The following DCHS2 variants were observed in gnomAD, a reference collection of about 807,000 sequenced individuals.
DCHS2 encodes the protein protocadherin-23.
A neutral mutation model predicts 182.4 loss-of-function variants in DCHS2; 142 were observed. That is an observed-to-expected ratio of 0.78 (90% confidence interval 0.68 to 0.89). DCHS2 has a LOEUF of 0.89. Among genes scored for constraint, DCHS2 ranks in the 40% least tolerant of loss-of-function variants. DCHS2 has a pLI of 0.00. For synonymous variants in DCHS2, 1,740 were observed against 1,663.3 expected (o/e 1.05, Z -1.12); for missense variants, 4,319 against 4,198.6 (o/e 1.03, Z -0.79).
At chr4:154,382,790 C>A (rs980682699) in intron 1 of DCHS2, among the ~76,000 whole-genome samples, 2 of 152,034 alleles carry the variant, frequency 1.3e-5, no homozygotes, top group African/African-American at 4.8e-5. Context: ...ATCAATACCA[C>A]AATGAGATGT....
Position 154,434,715 on chromosome 4 carries a change from G to A in DCHS2, c.2052+54589C>T, listed in dbSNP as rs1223800934. Among the ~76,000 whole-genome samples, 4 of 152,242 alleles carry A rather than the reference G, an allele frequency of 2.6e-5. No individual in the cohort carries two copies. In the East Asian group the frequency reaches 5.8e-4, roughly 22 times the overall value. ...GTTAAAAAGTGAGTTAACATTATCA[G>A]TGATAAGCCATGTTGATAGCATGTA... On this transcript the variant is annotated intron_variant, in intron 1 of 19. Coordinates refer to ENST00000357232, the MANE Select transcript of DCHS2 (RefSeq NM_001358235.2).
At chr4:154,371,073 G>C (rs766422676) in intron 2 of DCHS2, among the ~76,000 whole-genome samples, 62 of 152,292 alleles carry the variant, frequency 4.1e-4, no homozygotes, top group Middle Eastern at 3.4e-3. Flanking sequence ...AAGGAACTGA[G>C]AGGCTCAGGG....
At chr4:154,243,770 C>T (rs1007111942) in intron 16 of DCHS2, among the ~76,000 whole-genome samples, 2 of 152,162 alleles carry the variant, frequency 1.3e-5, no homozygotes, top group Non-Finnish European at 2.9e-5. Flanking sequence ...ACCTGGAATG[C>T]TCTATATGTA....
chr4:154,403,062 T>C (rs1732257233), intron 1 of DCHS2, among the ~76,000 whole-genome samples: 1 of 152,228 alleles, frequency 6.6e-6, no homozygotes, highest in Non-Finnish European at 1.5e-5. Flanking sequence ...ATTTGTAAAT[T>C]ATTATAGATT....
chr4:154,380,510 A>C (rs576312909), intron 1 of DCHS2, among the ~76,000 whole-genome samples: 1 of 152,292 alleles, frequency 6.6e-6, no homozygotes, highest in African/African-American at 2.4e-5. Context: ...TCATTGAAAG[A>C]CACATACAAT....
In DCHS2 at chr4:154,366,458, T is replaced by A; in HGVS notation, c.2245-17A>T. The A allele has an allele frequency of 6.3e-7, 1 of 1,575,682 alleles. No homozygotes were observed. Among genetic ancestry groups the A allele is most frequent in the East Asian group, 2.3e-5 (1 of 44,418 alleles). Reference sequence around the variant, plus strand: ...TAGCCCACCCTGGTGGATGAATGAGTGGTGATTACAAATGGGTTTTTGCTG... The same window carrying A: ...TAGCCCACCCTGGTGGATGAATGAGAGGTGATTACAAATGGGTTTTTGCTG... On this transcript the variant is annotated splice_polypyrimidine_tract_variant and intron_variant, in intron 2 of 19. Coordinates refer to ENST00000357232, the MANE Select transcript of DCHS2 (RefSeq NM_001358235.2).
intron 1 of DCHS2, among the ~76,000 whole-genome samples, chr4:154,467,628 T>C (rs989575300): frequency 6.6e-6 from 1 of 152,138 alleles, no homozygotes; most frequent in African/African-American, 2.4e-5. Flanking sequence ...TGTCCAAGTA[T>C]AATACTTAAT....
At position 154,490,020 on chromosome 4, in the gene DCHS2, C is replaced by T. The variant is rs766901031; in HGVS notation, c.1336G>A (p.Gly446Ser). 5 of 1,547,954 alleles carry T rather than the reference C, an allele frequency of 3.2e-6. No individual in the cohort carries two copies. In the African/African-American group the frequency reaches 5.5e-5, roughly 17 times the overall value. ...GCCTCATCTTCCTTCTCCCAGTCAC[C>T]GTCCGCGTCAGACACCGAGACGCGA... ...VARVSVSDAD[G>S]DWEKEDEATG... Residue 446 changes from glycine to serine, a missense_variant, in exon 1 of 20, where the codon GGT becomes AGT. By Grantham distance (56) the Gly-to-Ser change is moderately conservative. Coordinates refer to ENST00000357232, the MANE Select transcript of DCHS2 (RefSeq NM_001358235.2).
chr4:154,394,058 T>C (rs1731826422), intron 1 of DCHS2, among the ~76,000 whole-genome samples: 2 of 152,146 alleles, frequency 1.3e-5, no homozygotes, highest in Admixed American at 6.6e-5. Context: ...GGATAGATTC[T>C]CTCTCAAATC....
In DCHS2 at chr4:154,236,950, G is replaced by C. The variant is rs1335297045; in HGVS notation, c.7702C>G (p.Leu2568Val). The C allele has an allele frequency of 6.2e-7, 1 of 1,613,914 alleles. No homozygotes were observed. Among genetic ancestry groups the C allele is most frequent in the Non-Finnish European group, 8.5e-7 (1 of 1,179,952 alleles). Residue 2568 changes from leucine (L) to valine (V), a missense_variant, in exon 20 of 20, where the codon CTT becomes GTT. By Grantham distance (32) the Leu-to-Val change is conservative. Coordinates refer to ENST00000357232, the MANE Select transcript of DCHS2 (RefSeq NM_001358235.2). ...LSEDALVGST[L>V]VTFSNIDHDW... Reference sequence around the variant, plus strand: ...TGGTCGATGTTTGAAAATGTAACAAGCGTGCTTCCAACCAGAGCATCCTCA... The same window carrying C: ...TGGTCGATGTTTGAAAATGTAACAACCGTGCTTCCAACCAGAGCATCCTCA...
rs1047769266 is a variant in DCHS2 at position 154,333,325 on chromosome 4, G to A, written c.2883C>T (p.Ser961=). The stretch of plus-strand genomic sequence containing the variant: ...TGACTGTTATGTTGACCTCGGTGCT[G>A]CTGCAGGCTGGGGCGCTGCCGAGCT... ...QAQLGSAPAC[S]STEVNITVMD... Residue 961 remains serine, a synonymous_variant, in exon 5 of 20, where the codon AGC becomes AGT. Coordinates refer to ENST00000357232, the MANE Select transcript of DCHS2 (RefSeq NM_001358235.2). 2 of 1,614,178 alleles carry A rather than the reference G, an allele frequency of 1.2e-6. No homozygotes were observed. The highest frequency in any genetic ancestry group is 1.7e-5 in the Admixed American group (1 of 60,032).
At chr4:154,439,070 G>T (rs1392988087) in intron 1 of DCHS2, among the ~76,000 whole-genome samples, 2 of 152,156 alleles carry the variant, frequency 1.3e-5, no homozygotes, top group Non-Finnish European at 2.9e-5. Context: ...CAGGTGCATA[G>T]ATATGGCTAT....
chr4:154,330,216 G>C (rs1736466129), intron 5 of DCHS2, among the ~76,000 whole-genome samples: 1 of 152,136 alleles, frequency 6.6e-6, no homozygotes, highest in African/African-American at 2.4e-5. Flanking sequence ...CGACACAAGT[G>C]GAAGCTGTTA....
At chr4:154,363,953 G>T (rs149358249) in intron 3 of DCHS2, among the ~76,000 whole-genome samples, 1 of 152,222 alleles carries the variant, frequency 6.6e-6, no homozygotes, top group African/African-American at 2.4e-5. Context: ...TCTTCTAAAG[G>T]TTAAAGTAAA....
chr4:154,318,371 A>G (rs369529285), intron 9 of DCHS2, among the ~76,000 whole-genome samples: 1 of 151,998 alleles, frequency 6.6e-6, no homozygotes, highest in South Asian at 2.1e-4. Flanking sequence ...GAGAGGGTTT[A>G]ATTGAAAGTG....
At position 154,427,097 on chromosome 4, in the gene DCHS2, C is replaced by T. The variant is rs76893931; in HGVS notation, c.2053-49653G>A. ...TAAACACTGTGATTTGATCATTACACACTGTATACATGTATGGAAACATCA... is the reference window on the plus strand; with the variant it reads ...TAAACACTGTGATTTGATCATTACATACTGTATACATGTATGGAAACATCA... On this transcript the variant is annotated intron_variant, in intron 1 of 19. Transcript: ENST00000357232. 5.9e-5 allele frequency among the ~76,000 whole-genome samples: 9 copies of T among 152,314 alleles called. No homozygotes were observed. The East Asian group carries it at 1.7e-3, about 29-fold the overall frequency.
At chr4:154,302,898 GTA>G (rs1310778082) in intron 12 of DCHS2, among the ~76,000 whole-genome samples, 1 of 141,322 alleles carries the variant, frequency 7.1e-6, no homozygotes, top group Non-Finnish European at 1.5e-5. Context: ...ATATATACGT[GTA>G]TATATACACA....
chr4:154,259,405 A>C, intron 15 of DCHS2, 140 bp downstream of exon 15: 1 of 1,421,826 alleles, frequency 7.0e-7, no homozygotes, highest in East Asian at 2.5e-5. Context: ...TATAAAATGT[A>C]CATGGCCTGG....
At chr4:154,318,994 A>C (rs1735955896) in intron 9 of DCHS2, among the ~76,000 whole-genome samples, 1 of 152,164 alleles carries the variant, frequency 6.6e-6, no homozygotes, top group African/African-American at 2.4e-5. Flanking sequence ...GCATAGGATA[A>C]ACATTTAGGC....
Sources: gnomAD v4.1 joint callset for allele counts (sites outside exome capture counted in the v4.1 genomes callset) on GRCh38, gnomAD v4.1.1 for gene constraint, MANE v1.5 for transcripts, NCBI Gene and HGNC (gene_info 2026-07-23, HGNC 2026-07-21) for gene names.